The following UTS2 variants were observed in gnomAD, a reference collection of about 807,000 sequenced individuals.
UTS2 encodes the protein urotensin 2.
Under a neutral mutation model 12.6 loss-of-function variants are expected in UTS2, and 10 were observed. The observed-to-expected ratio is 0.80, with a 90% CI of 0.49 to 1.35. The LOEUF (loss-of-function observed/expected upper bound fraction) is 1.35, where lower values mean the gene tolerates loss of function less well. Among genes scored for constraint, UTS2 ranks in the 40% most tolerant of loss-of-function variants. UTS2 has a pLI of 0.00. For missense variants in UTS2, 142 were observed against 143.2 expected (o/e 0.99, Z 0.04); for synonymous variants, 52 against 50.0 (o/e 1.04, Z -0.17).
the UTS2 span, among the ~76,000 whole-genome samples, chr1:7,905,665 G>C: frequency 6.6e-6 from 1 of 152,066 alleles, no homozygotes; most frequent in Non-Finnish European, 1.5e-5. Context: ...CTTCTAGATG[G>C]CCTCCAGGCT....
At chr1:7,874,806 C>T in the UTS2 span, among the ~76,000 whole-genome samples, 9 of 152,278 alleles carry the variant, frequency 5.9e-5, no homozygotes, top group South Asian at 1.0e-3. Context: ...ATTACAGGGG[C>T]GGTTTCCTCC....
chr1:7,849,791 T>C (rs1426004786), intron 2 of UTS2, 108 bp from the exon 3 acceptor site: 3 of 963,976 alleles, frequency 3.1e-6, no homozygotes, highest in Non-Finnish European at 4.5e-6. Flanking sequence ...TTCTGGTCTT[T>C]TTCCACACTG....
At chr1:7,903,392 A>ATTT in the UTS2 span, among the ~76,000 whole-genome samples, 2 of 120,424 alleles carry the variant, frequency 1.7e-5, no homozygotes, top group African/African-American at 6.4e-5. Context: ...TTAATTAATT[A>ATTT]ATTTATTTAT....
chr1:7,899,654 C>T, the UTS2 span, among the ~76,000 whole-genome samples: 2 of 152,248 alleles, frequency 1.3e-5, no homozygotes, highest in East Asian at 3.9e-4. Flanking sequence ...ACTACAGGCA[C>T]GAACCACTGC....
chr1:7,890,967 A>ACACC, the UTS2 span, among the ~76,000 whole-genome samples: 1 of 135,784 alleles, frequency 7.4e-6, no homozygotes, highest in Non-Finnish European at 1.6e-5. Context: ...GATACCCTCC[A>ACACC]CCCCCCCCCA....
the UTS2 span, among the ~76,000 whole-genome samples, chr1:7,904,897 C>A: frequency 2.6e-4 from 22 of 85,702 alleles, no homozygotes; most frequent in East Asian, 7.8e-3. Context: ...GAGTGAGACT[C>A]TGTCTCAAAA....
chr1:7,874,342 C>A, the UTS2 span, among the ~76,000 whole-genome samples: 5 of 152,160 alleles, frequency 3.3e-5, no homozygotes, highest in East Asian at 9.6e-4. Context: ...TCCTCTGAGA[C>A]CTGAGCAGCT....
the UTS2 span, among the ~76,000 whole-genome samples, chr1:7,892,104 T>C: frequency 1.3e-5 from 2 of 152,194 alleles, no homozygotes; most frequent in African/African-American, 4.8e-5. Context: ...TGTAGCTCCG[T>C]TGTGCCTGAC....
chr1:7,866,052 T>A, the UTS2 span, among the ~76,000 whole-genome samples: 3 of 152,150 alleles, frequency 2.0e-5, no homozygotes, highest in African/African-American at 7.2e-5. The surrounding 1 kb of genome is among the most constrained non-coding windows in gnomAD (Gnocchi z 4.5). Context: ...CGCCCCTCCA[T>A]GAAGAGCCAC....
At chr1:7,899,948 C>T in the UTS2 span, among the ~76,000 whole-genome samples, 221 of 152,274 alleles carry the variant, frequency 1.5e-3, 1 homozygote, top group African/African-American at 5.0e-3. Flanking sequence ...CTCTCAGATA[C>T]AGCAATTGGC....
the UTS2 span, among the ~76,000 whole-genome samples, chr1:7,891,185 G>A: frequency 6.6e-6 from 1 of 152,164 alleles, no homozygotes; most frequent in Non-Finnish European, 1.5e-5. Flanking sequence ...ACCAGGTGAT[G>A]CTGAGCAAAG....
intron 3 of UTS2, 67 bp from the exon 4 acceptor site, chr1:7,847,949 C>A: frequency 8.6e-7 from 1 of 1,165,416 alleles, no homozygotes; most frequent in South Asian, 1.4e-5. Context: ...GTGACGATTC[C>A]TATAAGAAAA....
the UTS2 span, among the ~76,000 whole-genome samples, chr1:7,908,943 A>T: frequency 6.6e-6 from 1 of 151,874 alleles, no homozygotes; most frequent in Non-Finnish European, 1.5e-5. Flanking sequence ...AGTAGCTGGG[A>T]CTACAGGTGC....
chr1:7,906,487 G>A, the UTS2 span, among the ~76,000 whole-genome samples: 1 of 126,042 alleles, frequency 7.9e-6, no homozygotes, highest in East Asian at 2.7e-4. Flanking sequence ...AAGAAAGAAA[G>A]AAAGAAAGAA....
At chr1:7,889,842 G>A in the UTS2 span, among the ~76,000 whole-genome samples, 4 of 152,086 alleles carry the variant, frequency 2.6e-5, no homozygotes, top group Admixed American at 2.0e-4. Flanking sequence ...CAAGGCGGGA[G>A]GATCACGAGG....
rs79368925 is a variant in UTS2, at chr1:7,850,335, C to T, written c.214+477G>A. Among the ~76,000 whole-genome samples the T allele has an allele frequency of 5.8e-3, 881 of 152,042 alleles. 9 individuals carry two copies. Among genetic ancestry groups the T allele is most frequent in the African/African-American group, 0.02 (838 of 41,438 alleles). Reference sequence around the variant, plus strand: ...GTCAATGCTTGGGGGAATGTGGCCACGGGGGAATAAGCTGACATTTTATTA... The same window carrying T: ...GTCAATGCTTGGGGGAATGTGGCCATGGGGGAATAAGCTGACATTTTATTA... On this transcript the variant is annotated intron_variant, in intron 2 of 3. Transcript: ENST00000361696.
At chr1:7,874,757 C>A in the UTS2 span, among the ~76,000 whole-genome samples, 8 of 152,296 alleles carry the variant, frequency 5.3e-5, no homozygotes, top group South Asian at 1.7e-3. Flanking sequence ...AATTGTAATC[C>A]CCACGTGTCA....
the UTS2 span, among the ~76,000 whole-genome samples, chr1:7,871,327 C>T: frequency 6.9e-6 from 1 of 143,940 alleles, no homozygotes; most frequent in Non-Finnish European, 1.5e-5. Flanking sequence ...TTATCAGTCA[C>T]GTAACACAAC....
intron 2 of UTS2, 77 bp downstream of exon 2, chr1:7,850,735 C>T (rs1226972404): frequency 1.4e-6 from 2 of 1,414,676 alleles, no homozygotes; most frequent in Admixed American, 1.7e-5. Context: ...TAGAGCTTTA[C>T]CTCTTCTAGA....
Sources: gnomAD v4.1 joint callset for allele counts (sites outside exome capture counted in the v4.1 genomes callset) on GRCh38, gnomAD v4.1.1 for gene constraint, Gnocchi (gnomAD v3.1) non-coding constraint, MANE v1.5 for transcripts, NCBI Gene and HGNC (gene_info 2026-07-23, HGNC 2026-07-21) for gene names.